DCDC1: variants seen among roughly 807,000 people sequenced by gnomAD.
DCDC1 encodes the protein doublecortin domain-containing protein 1.
DCDC1 carries 200 observed loss-of-function variants against 178.3 expected under a neutral mutation model. That is an observed-to-expected ratio of 1.12 (90% CI 1.00 to 1.26). The LOEUF is 1.26. Ranked by LOEUF, DCDC1 falls within the 50% of genes most tolerant of loss-of-function variation. The pLI is 0.00. For missense variants in DCDC1, 1,983 were observed against 1,749.2 expected (o/e 1.13, Z -2.38); for synonymous variants, 690 against 604.8 (o/e 1.14, Z -2.07).
intron 9 of DCDC1, among the ~76,000 whole-genome samples, chr11:31,195,413 T>C (rs1219816548): frequency 1.3e-5 from 2 of 152,130 alleles, no homozygotes; most frequent in Non-Finnish European, 2.9e-5. Flanking sequence ...CAGGAGACCA[T>C]GAATCATTCT....
intron 17 of DCDC1, among the ~76,000 whole-genome samples, chr11:31,078,878 G>T (rs1957012340): frequency 6.7e-6 from 1 of 148,330 alleles, no homozygotes; most frequent in South Asian, 2.1e-4. Flanking sequence ...TAAAATTCTG[G>T]GGATTTCTAT....
intron 8 of DCDC1, among the ~76,000 whole-genome samples, chr11:31,264,630 TA>T (rs1446690447): frequency 6.6e-6 from 1 of 152,178 alleles, no homozygotes; most frequent in Admixed American, 6.5e-5. Context: ...CTAAATAAGT[TA>T]ATGTTTGTGA....
intron 7 of DCDC1, among the ~76,000 whole-genome samples, chr11:31,277,599 A>C (rs1392796624): frequency 6.6e-6 from 1 of 152,136 alleles, no homozygotes; most frequent in Non-Finnish European, 1.5e-5. Flanking sequence ...CAGTCTTTTA[A>C]ATATTAGTCA....
chr11:30,896,747 T>C (rs78213826), intron 34 of DCDC1, among the ~76,000 whole-genome samples: 2,696 of 152,328 alleles, frequency 0.018, 83 homozygotes, highest in African/African-American at 0.062. Context: ...CAATATTTAT[T>C]GAGTATTTGT....
chr11:31,346,972 A>G (rs1003733222), intron 1 of DCDC1, among the ~76,000 whole-genome samples: 9 of 152,232 alleles, frequency 5.9e-5, no homozygotes, highest in African/African-American at 2.2e-4. Flanking sequence ...GCATATCAGA[A>G]ATCACATATT....
rs569122907 is a variant in DCDC1 at position 30,964,086 on chromosome 11, T to A, written c.2592-11518A>T. 2.6e-3 allele frequency among the ~76,000 whole-genome samples: 400 copies of A among 152,242 alleles called. 2 individuals are homozygous for A. Among genetic ancestry groups the A allele is most frequent in the Admixed American group, 2.5e-3 (38 of 15,278 alleles). The stretch of plus-strand genomic sequence containing the variant: ...TATTGGCACTAAAAATATGTTTTTT[T>A]AAAAAATCTCCAGGGCCACTCCTAG... On this transcript the variant is annotated intron_variant, in intron 20 of 38. Coordinates refer to ENST00000684477, the MANE Select transcript of DCDC1 (RefSeq NM_001387274.1).
intron 11 of DCDC1, among the ~76,000 whole-genome samples, chr11:31,115,985 G>A (rs556439148): frequency 7.4e-6 from 1 of 135,734 alleles, no homozygotes; most frequent in Non-Finnish European, 1.7e-5. Flanking sequence ...TGGCAGTGGG[G>A]GGGGGGGGGA....
intron 9 of DCDC1, among the ~76,000 whole-genome samples, chr11:31,198,307 G>C (rs1970916260): frequency 6.6e-6 from 1 of 151,922 alleles, no homozygotes; most frequent in Non-Finnish European, 1.5e-5. Flanking sequence ...AATGTCTATG[G>C]CAACAACTTT....
chr11:31,275,487 G>A lies in DCDC1; in HGVS notation c.961-9887C>T, dbSNP rs150244868. On this transcript the variant is annotated intron_variant, in intron 7 of 38. Coordinates refer to ENST00000684477, the MANE Select transcript of DCDC1 (RefSeq NM_001387274.1). ...GGAAGACTACAATTATCTTTCTGTC[G>A]TCGTTGTTGTTGTTGTTTGCTTTTC... 8.5e-4 allele frequency among the ~76,000 whole-genome samples: 130 copies of A among 152,070 alleles called. 1 individual carries two copies. Among genetic ancestry groups the A allele is most frequent in the East Asian group, 7.0e-3 (36 of 5,148 alleles).
chr11:31,092,110 A>G (rs1311622909), intron 16 of DCDC1, among the ~76,000 whole-genome samples: 4 of 152,204 alleles, frequency 2.6e-5, no homozygotes, highest in Non-Finnish European at 4.4e-5. Context: ...ACAACCATAG[A>G]GAAATTTGTC....
Position 30,910,723 on chromosome 11 carries a change from G to GA in DCDC1, c.3747+603dup, listed in dbSNP as rs957778256. Among the ~76,000 whole-genome samples the GA allele has an allele frequency of 3.5e-3, 520 of 147,452 alleles. 2 individuals are homozygous for GA. Among genetic ancestry groups the GA allele is most frequent in the African/African-American group, 9.1e-3 (369 of 40,328 alleles). On this transcript the variant is annotated intron_variant, in intron 28 of 38. Coordinates refer to ENST00000684477, the MANE Select transcript of DCDC1 (RefSeq NM_001387274.1). ...GCATGTGAGAATGACAGAAAAATGT[G>GA]AAAAAAAAAAGATCTTCCCAGGTCT...
intron 17 of DCDC1, among the ~76,000 whole-genome samples, chr11:31,081,375 C>T (rs763216828): frequency 5.9e-5 from 9 of 151,944 alleles, no homozygotes; most frequent in Non-Finnish European, 8.8e-5. Context: ...TTTGGGAGGC[C>T]GAGGCGGGTG....
At chr11:31,264,980 C>T (rs1402780394) in intron 8 of DCDC1, among the ~76,000 whole-genome samples, 1 of 151,836 alleles carries the variant, frequency 6.6e-6, no homozygotes, top group African/African-American at 2.4e-5. Context: ...CTTTTTTTTT[C>T]AGACCAATTG....
At chr11:31,113,219 T>G (rs1035698555) in intron 11 of DCDC1, among the ~76,000 whole-genome samples, 1 of 152,198 alleles carries the variant, frequency 6.6e-6, no homozygotes, top group African/African-American at 2.4e-5. Flanking sequence ...TCATTAACTA[T>G]CCAAAGCACA....
chr11:30,871,915 T>G (rs1230665827), intron 38 of DCDC1, among the ~76,000 whole-genome samples: 1 of 152,036 alleles, frequency 6.6e-6, no homozygotes, highest in Non-Finnish European at 1.5e-5. Flanking sequence ...CACACATATA[T>G]GTACACATAT....
intron 3 of DCDC1, chr11:31,314,422 G>A (rs912567843): frequency 1.3e-5 from 2 of 152,064 alleles, no homozygotes; most frequent in Admixed American, 1.3e-4. Context: ...CAAAATTAGT[G>A]GCTTAAAATA....
intron 20 of DCDC1, among the ~76,000 whole-genome samples, chr11:30,970,233 G>C (rs1015502669): frequency 9.9e-5 from 15 of 152,110 alleles, no homozygotes; most frequent in African/African-American, 3.6e-4. Flanking sequence ...ATGCCTGGAG[G>C]CCACACAACA....
chr11:31,181,266 G>A (rs1335668426), intron 9 of DCDC1, among the ~76,000 whole-genome samples: 1 of 152,212 alleles, frequency 6.6e-6, no homozygotes, highest in Non-Finnish European at 1.5e-5. Context: ...GCACCTGGGG[G>A]AAGGGGAGGC....
intron 27 of DCDC1, among the ~76,000 whole-genome samples, chr11:30,914,911 G>C (rs1433683655): frequency 2.6e-5 from 4 of 152,004 alleles, no homozygotes; most frequent in African/African-American, 9.7e-5. Context: ...AATGTCATCA[G>C]ATAGCCAAGC....
Sources: allele counts gnomAD v4.1 joint callset (sites outside exome capture counted in the v4.1 genomes callset), GRCh38; gene constraint gnomAD v4.1.1; transcripts MANE v1.5; gene names NCBI Gene and HGNC (gene_info 2026-07-23, HGNC 2026-07-21).